The following CFAP47 variants were observed in gnomAD, a reference collection of about 807,000 sequenced individuals.
The protein encoded by CFAP47 is cilia- and flagella-associated protein 47.
Under a neutral mutation model 148.1 loss-of-function variants are expected in CFAP47, and 29 were observed. The observed-to-expected ratio is 0.20, with a 90% CI of 0.15 to 0.27. CFAP47 has a LOEUF of 0.27. CFAP47 is among the 10% of genes least tolerant of loss of function. CFAP47 has a pLI of 1.00. For synonymous variants in CFAP47, 664 were observed against 577.3 expected (o/e 1.15, Z -2.15); for missense variants, 1,872 against 1,697.5 (o/e 1.10, Z -1.81).
chrX:36,384,440 GT>G (rs1556024749), intron 63 of CFAP47, among the ~76,000 whole-genome samples: 1 of 111,964 alleles, frequency 8.9e-6, no homozygotes, highest in African/African-American at 3.2e-5. Context: ...CATTTCTATG[GT>G]TACACTTAAA....
chrX:36,117,165 T>G (rs1183503221), intron 33 of CFAP47, among the ~76,000 whole-genome samples: 1 of 112,343 alleles, frequency 8.9e-6, no homozygotes. Context: ...TGATGAGCAC[T>G]TAATTTGCTT....
intron 45 of CFAP47, among the ~76,000 whole-genome samples, chrX:36,219,380 G>A (rs1306569573): frequency 9.0e-6 from 1 of 111,351 alleles, no homozygotes; most frequent in Non-Finnish European, 1.9e-5. Flanking sequence ...AAAAGGGAGA[G>A]GGTATAACAA....
At chrX:36,349,489 C>T (rs1556017115) in intron 58 of CFAP47, among the ~76,000 whole-genome samples, 2 of 111,344 alleles carry the variant, frequency 1.8e-5, no homozygotes, top group African/African-American at 6.5e-5. Flanking sequence ...TCTTGAACTC[C>T]TGACCTCAAG....
chrX:36,086,337 G>A (rs747912246), intron 30 of CFAP47, among the ~76,000 whole-genome samples: 4 of 111,719 alleles, frequency 3.6e-5, no homozygotes, highest in Non-Finnish European at 5.6e-5. Flanking sequence ...ATTTAGCATC[G>A]AGTTGAACAT....
At chrX:35,954,856 G>A (rs1936220977) in intron 7 of CFAP47, among the ~76,000 whole-genome samples, 1 of 111,946 alleles carries the variant, frequency 8.9e-6, no homozygotes, top group Non-Finnish European at 1.9e-5. Context: ...ATGACTGAGT[G>A]AAAAGCCTCT....
intron 22 of CFAP47, among the ~76,000 whole-genome samples, chrX:36,022,301 A>G (rs1937168804): frequency 9.0e-6 from 1 of 110,616 alleles, no homozygotes; most frequent in African/African-American, 3.3e-5. Flanking sequence ...ATTTCATATC[A>G]CTCCAACCTG....
intron 60 of CFAP47, among the ~76,000 whole-genome samples, chrX:36,358,855 C>A (rs1308029258): frequency 9.0e-6 from 1 of 111,581 alleles, no homozygotes; most frequent in African/African-American, 3.3e-5. Flanking sequence ...ATCCAGCTAA[C>A]CTTTACTCAT....
intron 62 of CFAP47, among the ~76,000 whole-genome samples, chrX:36,373,289 A>G (rs1941989578): frequency 9.0e-6 from 1 of 111,477 alleles, no homozygotes; most frequent in Non-Finnish European, 1.9e-5. Context: ...TATTCTTTTT[A>G]ATGCTATATA....
intron 49 of CFAP47, among the ~76,000 whole-genome samples, chrX:36,251,692 A>AAATATTT (rs1190967280): frequency 1.8e-5 from 2 of 111,587 alleles, no homozygotes; most frequent in African/African-American, 6.5e-5. Context: ...CTATAAATGA[A>AAATATTT]AATATTTAAT....
Position 36,303,832 on chromosome X carries a change from CT to C in CFAP47, c.7971-8del, listed in dbSNP as rs781844110. 168 of 950,370 alleles carry C rather than the reference CT, an allele frequency of 1.8e-4. No individual in the cohort carries two copies. The highest frequency in any genetic ancestry group is 5.3e-4 in the African/African-American group (26 of 48,690). 78.3% of individuals were successfully genotyped at this position (950,370 alleles called of 1,213,427 possible). ...TTATGAATACCAGCAACTTTACTAGCTTTTTTTTTCTCCTAGGCATGTCACT... is the reference window on the plus strand; with the variant it reads ...TTATGAATACCAGCAACTTTACTAGCTTTTTTTTCTCCTAGGCATGTCACT... On this transcript the variant is annotated splice_polypyrimidine_tract_variant and intron_variant, in intron 53 of 63. Transcript: ENST00000378653.
chrX:36,020,280 A>C (rs1379723494), intron 22 of CFAP47, among the ~76,000 whole-genome samples: 1 of 112,098 alleles, frequency 8.9e-6, no homozygotes, highest in Non-Finnish European at 1.9e-5. Context: ...AGAATGATCC[A>C]CGTGCTGAGA....
At chrX:36,314,668 T>C (rs1445057536) in intron 56 of CFAP47, among the ~76,000 whole-genome samples, 2 of 111,698 alleles carry the variant, frequency 1.8e-5, no homozygotes, top group Non-Finnish European at 3.8e-5. Flanking sequence ...TAATGCTATC[T>C]ATCTATCTGC....
rs1325281297 is a variant in CFAP47, at chrX:36,201,604, AT to A, written c.6663+109del. On this transcript the variant is annotated intron_variant, in intron 44 of 63. Coordinates refer to ENST00000378653, the MANE Select transcript of CFAP47 (RefSeq NM_001304548.2). The stretch of plus-strand genomic sequence containing the variant: ...TAAAATATTATTTTCATTAAATAAC[AT>A]TTTTAGAAGGAAAAGTAATGAGTAC... 5.9e-5 allele frequency: 17 copies of A among 288,492 alleles called. No homozygotes were observed. The East Asian group carries it at 8.3e-4, about 14-fold the overall frequency. The allele number at this position is 288,492 out of a possible 1,213,427, so 23.8% of individuals were successfully genotyped here.
chrX:36,173,930 A>G (rs772613321), intron 39 of CFAP47, among the ~76,000 whole-genome samples: 1 of 111,104 alleles, frequency 9.0e-6, no homozygotes, highest in East Asian at 2.8e-4. Flanking sequence ...AATGTGTGGG[A>G]GTCTAATTCT....
At position 36,073,150 on chromosome X, in the gene CFAP47, C is replaced by T; in HGVS notation, c.4477C>T (p.Leu1493=). 1.7e-6 allele frequency: 2 copies of T among 1,205,773 alleles called. No homozygotes were observed. Among genetic ancestry groups the T allele is most frequent in the Non-Finnish European group, 2.2e-6 (2 of 890,711 alleles). ...KGNLFIGVEV[L]PENLHLDESE... is the part of the protein sequence containing the mutation. ...AATTTTAATTTTAGGAGTGGAAGTA[C>T]TGCCTGAAAATTTGCACTTGGATGA... Residue 1493 remains leucine, a synonymous_variant, in exon 29 of 64, where the codon CTG becomes TTG. Coordinates refer to ENST00000378653, the MANE Select transcript of CFAP47 (RefSeq NM_001304548.2).
intron 63 of CFAP47, chrX:36,379,723 T>A (rs1333551320): frequency 5.4e-6 from 2 of 367,416 alleles, no homozygotes. Flanking sequence ...TAACAAACAG[T>A]TGTCAACACT....
intron 34 of CFAP47, 54 bp downstream of exon 34, chrX:36,138,109 A>C: frequency 1.7e-6 from 1 of 584,963 alleles, no homozygotes; most frequent in Non-Finnish European, 2.7e-6. Flanking sequence ...AAACTTAGTG[A>C]TTAAAATTTG....
At chrX:36,374,344 A>G (rs1258245212) in intron 62 of CFAP47, among the ~76,000 whole-genome samples, 2 of 111,008 alleles carry the variant, frequency 1.8e-5, no homozygotes, top group African/African-American at 6.5e-5. Context: ...TGTTCATAAT[A>G]GTCATTATGT....
intron 37 of CFAP47, among the ~76,000 whole-genome samples, chrX:36,153,346 T>A (rs1939331269): frequency 8.9e-6 from 1 of 112,227 alleles, no homozygotes; most frequent in Admixed American, 9.4e-5. Flanking sequence ...CTTGAAACTC[T>A]GTTCTCCAGG....
Sources: gnomAD v4.1 joint callset for allele counts (sites outside exome capture counted in the v4.1 genomes callset) on GRCh38, gnomAD v4.1.1 for gene constraint, MANE v1.5 for transcripts, NCBI Gene and HGNC (gene_info 2026-07-23, HGNC 2026-07-21) for gene names.